PIK3AP1: variants seen among roughly 807,000 people sequenced by gnomAD.
The protein encoded by PIK3AP1 is phosphoinositide-3-kinase adaptor protein 1.
PIK3AP1 carries 21 observed loss-of-function variants against 88.1 expected under a neutral mutation model. That is an observed-to-expected ratio of 0.24 (90% CI 0.17 to 0.34). PIK3AP1 has a LOEUF of 0.34. Among genes scored for constraint, PIK3AP1 ranks in the 10% least tolerant of loss-of-function variants. PIK3AP1 has a pLI of 1.00. For synonymous variants in PIK3AP1, 398 were observed against 400.0 expected, an observed-to-expected ratio of 1.00 and a Z score of 0.06; for missense variants, 828 against 1,035.7, an observed-to-expected ratio of 0.80 and a Z score of 2.75.
chr10:96,629,608 T>C (rs1843209507), intron 8 of PIK3AP1, among the ~76,000 whole-genome samples: 1 of 147,440 alleles, frequency 6.8e-6, no homozygotes. Context: ...CCAGGCATGG[T>C]GGCTCACAAC....
chr10:96,630,430 C>T (rs1234165005), intron 8 of PIK3AP1, among the ~76,000 whole-genome samples: 1 of 152,186 alleles, frequency 6.6e-6, no homozygotes, highest in African/African-American at 2.4e-5. Context: ...CTGATAAGAA[C>T]TCACGCCTAA....
intron 16 of PIK3AP1, among the ~76,000 whole-genome samples, chr10:96,599,378 T>C (rs1232218118): frequency 6.6e-6 from 1 of 152,116 alleles, no homozygotes; most frequent in Non-Finnish European, 1.5e-5. Flanking sequence ...AGATCCCCAG[T>C]CAACTGCAGG....
At chr10:96,698,674 G>A (rs943690999) in intron 2 of PIK3AP1, among the ~76,000 whole-genome samples, 3 of 152,008 alleles carry the variant, frequency 2.0e-5, no homozygotes, top group South Asian at 4.2e-4. Flanking sequence ...GAGAGGTTGC[G>A]GTGAGCAGAG....
chr10:96,600,367 C>T (rs2086084692), intron 16 of PIK3AP1, among the ~76,000 whole-genome samples: 2 of 152,236 alleles, frequency 1.3e-5, no homozygotes, highest in Admixed American at 1.3e-4. Context: ...TTATCACCAT[C>T]ACTGCTCTTG....
intron 2 of PIK3AP1, among the ~76,000 whole-genome samples, chr10:96,661,717 T>G (rs560776549): frequency 6.6e-6 from 1 of 151,504 alleles, no homozygotes; most frequent in African/African-American, 2.4e-5. Context: ...GTCCAGGAAG[T>G]GGAGGTTGCA....
At chr10:96,630,273 C>G (rs1843227169) in intron 8 of PIK3AP1, among the ~76,000 whole-genome samples, 1 of 152,154 alleles carries the variant, frequency 6.6e-6, no homozygotes. Context: ...CAGTTCAGGG[C>G]ACTACGATTC....
chr10:96,632,981 G>A (rs1843266499), intron 8 of PIK3AP1: 2 of 1,612,718 alleles, frequency 1.2e-6, no homozygotes, highest in Non-Finnish European at 1.7e-6. Flanking sequence ...CTTCCTTTGA[G>A]CCAGTCCTTG....
intron 1 of PIK3AP1, among the ~76,000 whole-genome samples, chr10:96,719,311 T>C (rs1056258547): frequency 6.6e-6 from 1 of 152,156 alleles, no homozygotes; most frequent in Non-Finnish European, 1.5e-5. Context: ...TTCATTCCAG[T>C]GTTTGCTCAC....
chr10:96,696,894 A>C lies in PIK3AP1; in HGVS notation c.430+12673T>G, dbSNP rs552003110. 9.1e-4 allele frequency among the ~76,000 whole-genome samples: 139 copies of C among 152,360 alleles called. 1 individual carries two copies. The Middle Eastern group carries it at 0.01, about 11-fold the overall frequency. On this transcript the variant is annotated intron_variant, in intron 2 of 16. Coordinates refer to ENST00000339364, the MANE Select transcript of PIK3AP1 (RefSeq NM_152309.3). ...CCTTGATAGGATTTGGAAAAATATTAGATCGAGACCCAGTAATGAAATGCA... is the reference window on the plus strand; with the variant it reads ...CCTTGATAGGATTTGGAAAAATATTCGATCGAGACCCAGTAATGAAATGCA...
intron 8 of PIK3AP1, among the ~76,000 whole-genome samples, chr10:96,638,745 C>T (rs772092056): frequency 1.4e-4 from 21 of 152,184 alleles, no homozygotes; most frequent in Admixed American, 2.6e-4. Context: ...CACAGTCCCA[C>T]CTGCATTCTC....
intron 2 of PIK3AP1, among the ~76,000 whole-genome samples, chr10:96,689,004 C>A (rs1844114767): frequency 6.6e-6 from 1 of 152,050 alleles, no homozygotes. Flanking sequence ...TCTCCAAATG[C>A]CATTTTGGTC....
intron 7 of PIK3AP1, among the ~76,000 whole-genome samples, chr10:96,648,091 G>A (rs191185354): frequency 7.8e-4 from 119 of 152,330 alleles, no homozygotes; most frequent in African/African-American, 2.9e-3. Context: ...CTGTCAGCAG[G>A]AGGTGGGCCT....
At chr10:96,653,680 G>T (rs533929138) in intron 3 of PIK3AP1, among the ~76,000 whole-genome samples, 2 of 151,866 alleles carry the variant, frequency 1.3e-5, no homozygotes, top group Admixed American at 6.6e-5. Flanking sequence ...TAGAGACAGG[G>T]TTTCACCATA....
At chr10:96,643,503 A>C (rs1048640346) in intron 8 of PIK3AP1, among the ~76,000 whole-genome samples, 1 of 152,212 alleles carries the variant, frequency 6.6e-6, no homozygotes, top group Non-Finnish European at 1.5e-5. Context: ...CCCCACATCC[A>C]TGCCAAGGCA....
In PIK3AP1 at chr10:96,705,884, GTTT is replaced by G. The variant is rs964917515; in HGVS notation, c.430+3680_430+3682del. Reference sequence around the variant, plus strand: ...CATAAGCCACTATGCCCAGCCAGTTGTTTTTTTTTTTTTTTTTTTTTTTTTTTG... The same window carrying G: ...CATAAGCCACTATGCCCAGCCAGTTGTTTTTTTTTTTTTTTTTTTTTTTTG... On this transcript the variant is annotated intron_variant, in intron 2 of 16. Coordinates refer to ENST00000339364, the MANE Select transcript of PIK3AP1 (RefSeq NM_152309.3). Among the ~76,000 whole-genome samples the G allele has an allele frequency of 2.2e-3, 136 of 60,972 alleles. 1 individual carries two copies. Among genetic ancestry groups the G allele is most frequent in the African/African-American group, 1.0e-2 (127 of 12,716 alleles). The allele number at this position is 60,972 out of a possible 152,430, so 40.0% of individuals were successfully genotyped here.
At chr10:96,644,706 C>G (rs1317872570) in intron 8 of PIK3AP1, among the ~76,000 whole-genome samples, 1 of 152,142 alleles carries the variant, frequency 6.6e-6, no homozygotes, top group African/African-American at 2.4e-5. Context: ...TATATTAATG[C>G]AATAAAATCA....
intron 2 of PIK3AP1, among the ~76,000 whole-genome samples, chr10:96,667,616 A>G (rs1160049007): frequency 6.6e-6 from 1 of 152,152 alleles, no homozygotes; most frequent in Non-Finnish European, 1.5e-5. Context: ...GGTTTCCCAT[A>G]CCATGAGCCA....
In PIK3AP1 at chr10:96,645,491, C is replaced by A; in HGVS notation, c.1357G>T (p.Ala453Ser). The change falls in exon 8 of 17, where the codon GCT (alanine) becomes TCT (serine). Residue 453 changes from alanine to serine, a missense_variant. By Grantham distance (99) the Ala-to-Ser change is moderately conservative. Coordinates refer to ENST00000339364, the MANE Select transcript of PIK3AP1 (RefSeq NM_152309.3). ...TACTTACAGAGGTCTTCAGTGGCAG[C>A]TGGGACAAAGGCAGCCATGGACTCA... is the stretch of plus-strand genomic sequence containing the variant. ...LYESMAAFVP[A>S]ATEDLYVEML... is the part of the protein sequence containing the mutation. 6.2e-7 allele frequency: 1 copy of A among 1,613,428 alleles called. No homozygotes were observed. The highest frequency in any genetic ancestry group is 1.1e-5 in the South Asian group (1 of 91,022).
At chr10:96,706,744 C>T (rs936976545) in intron 2 of PIK3AP1, among the ~76,000 whole-genome samples, 1 of 152,098 alleles carries the variant, frequency 6.6e-6, no homozygotes, top group African/African-American at 2.4e-5. Context: ...TCTACACTGC[C>T]AGACTCTGAG....
Sources: allele counts gnomAD v4.1 joint callset (sites outside exome capture counted in the v4.1 genomes callset), GRCh38; gene constraint gnomAD v4.1.1; transcripts MANE v1.5; gene names NCBI Gene and HGNC (gene_info 2026-07-23, HGNC 2026-07-21).